The following ABLIM2 variants were observed in gnomAD, a reference collection of about 807,000 sequenced individuals.
The protein encoded by ABLIM2 is actin binding LIM protein family member 2, also known as actin-binding LIM protein 2.
Under a neutral mutation model 97.7 loss-of-function variants are expected in ABLIM2, and 53 were observed. That is an observed-to-expected ratio of 0.54 (90% CI 0.44 to 0.68). ABLIM2 has a LOEUF of 0.68. Ranked by LOEUF, ABLIM2 falls within the 30% of genes least tolerant of loss-of-function variation. The probability of loss-of-function intolerance (pLI) is 0.00; values close to 1 mark genes in which losing one functional copy is unlikely to be tolerated. For synonymous variants in ABLIM2, 361 were observed against 345.8 expected (o/e 1.04, Z -0.49); for missense variants, 835 against 867.2 (o/e 0.96, Z 0.47).
At chr4:8,047,073 C>T (rs1792947412) in intron 8 of ABLIM2, among the ~76,000 whole-genome samples, 1 of 152,306 alleles carries the variant, frequency 6.6e-6, no homozygotes, top group East Asian at 1.9e-4. Flanking sequence ...GTCAGCACCT[C>T]CTACACTCAG....
intron 2 of ABLIM2, among the ~76,000 whole-genome samples, chr4:8,098,664 G>A (rs1342208534): frequency 6.6e-6 from 1 of 152,192 alleles, no homozygotes; most frequent in Non-Finnish European, 1.5e-5. Flanking sequence ...TCGAATCCCA[G>A]CTCTACCCGC....
At position 8,069,749 on chromosome 4, in the gene ABLIM2, G is replaced by A. The variant is rs1404134415; in HGVS notation, c.675+7879C>T. On this transcript the variant is annotated intron_variant, in intron 6 of 20. Transcript: ENST00000447017. This position sits in a 1 kb window ranked among gnomAD's most constrained non-coding sequence, Gnocchi z 4.2. ...GTGTCCATGTGTCCTTGTGTTGTCTGTGTACGTTTCGGTGTGTCCATGCAT... is the reference window on the plus strand; with the variant it reads ...GTGTCCATGTGTCCTTGTGTTGTCTATGTACGTTTCGGTGTGTCCATGCAT... Among the ~76,000 whole-genome samples, 1 of 151,880 alleles carries A rather than the reference G, an allele frequency of 6.6e-6. No homozygotes were observed. Among genetic ancestry groups the A allele is most frequent in the Admixed American group, 6.6e-5 (1 of 15,254 alleles).
At position 8,083,847 on chromosome 4, in the gene ABLIM2, T is replaced by G. The variant is rs969656150; in HGVS notation, c.455-3045A>C. Among the ~76,000 whole-genome samples, 1 of 152,164 alleles carries G rather than the reference T, an allele frequency of 6.6e-6. No homozygotes were observed. The highest frequency in any genetic ancestry group is 1.5e-5 in the Non-Finnish European group (1 of 68,018). ...ATCAGCAGCAATGGCATAACCCTCC[T>G]AGAACCTTCCACTTTCCTATTTTCC... On this transcript the variant is annotated intron_variant, in intron 4 of 20. Coordinates refer to ENST00000447017, the MANE Select transcript of ABLIM2 (RefSeq NM_001130083.2). The surrounding 1 kb of genome is among the most constrained non-coding windows in gnomAD (Gnocchi z 4.6).
rs184828281 is a variant in ABLIM2, at chr4:8,056,602, A to G, written c.764-2356T>C. Among the ~76,000 whole-genome samples, 31 of 151,712 alleles carry G rather than the reference A, an allele frequency of 2.0e-4. No homozygotes were observed. The East Asian group carries it at 5.3e-3, about 26-fold the overall frequency. On this transcript the variant is annotated intron_variant, in intron 7 of 20. Coordinates refer to ENST00000447017, the MANE Select transcript of ABLIM2 (RefSeq NM_001130083.2). ...AGGCATGAGCCACCACACCCAGGCTACAGACACAATTTCATATCCTACATA... is the reference window on the plus strand; with the variant it reads ...AGGCATGAGCCACCACACCCAGGCTGCAGACACAATTTCATATCCTACATA...
Position 7,996,754 on chromosome 4 carries a change from C to T in ABLIM2, c.1619-3827G>A, listed in dbSNP as rs1243987521. ...TTACGGGTAGCTCTGCAGGATATCT[C>T]ACTGAACACAGGATTCATGCGGACA... On this transcript the variant is annotated intron_variant, in intron 16 of 20. Transcript: ENST00000447017. The surrounding 1 kb of genome is among the most constrained non-coding windows in gnomAD (Gnocchi z 4.5). Among the ~76,000 whole-genome samples the T allele has an allele frequency of 6.6e-6, 1 of 152,196 alleles. No individual in the cohort carries two copies. The highest frequency in any genetic ancestry group is 1.5e-5 in the Non-Finnish European group (1 of 68,048).
chr4:8,114,812 A>G (rs564203959), intron 1 of ABLIM2, among the ~76,000 whole-genome samples: 49 of 152,292 alleles, frequency 3.2e-4, no homozygotes, highest in African/African-American at 1.1e-3. Context: ...CCCGTCCCCA[A>G]ACAGTCACCA....
chr4:8,097,365 C>A, intron 2 of ABLIM2, 83 bp from the exon 3 acceptor site: 5 of 1,471,500 alleles, frequency 3.4e-6, no homozygotes, highest in Non-Finnish European at 4.6e-6. Context: ...CCCCCCTCCA[C>A]ACACACACCA....
chr4:8,024,765 C>A (rs1278207321), intron 12 of ABLIM2, among the ~76,000 whole-genome samples: 3 of 152,202 alleles, frequency 2.0e-5, no homozygotes, highest in African/African-American at 7.2e-5. Flanking sequence ...TGGCCAGTGG[C>A]TTCTCTTCTG....
rs745639018 is a variant in ABLIM2 at position 8,020,400 on chromosome 4, T to A, written c.1268-97A>T. ...AAAAGCTTATTTGCAGCGAGCCCCA[T>A]CTCTCCTGTCTGGTGGAGCAGCCCA... On this transcript the variant is annotated intron_variant, in intron 12 of 20. Transcript: ENST00000447017. 2.7e-5 allele frequency: 29 copies of A among 1,093,904 alleles called. No individual in the cohort carries two copies. In the South Asian group the frequency reaches 3.6e-4, roughly 14 times the overall value. The allele number at this position is 1,093,904 out of a possible 1,614,324, so 67.8% of individuals were successfully genotyped here.
chr4:8,072,604 C>A lies in ABLIM2; in HGVS notation c.675+5024G>T, dbSNP rs1411800054. 6.6e-6 allele frequency among the ~76,000 whole-genome samples: 1 copy of A among 152,240 alleles called. No individual in the cohort carries two copies. Among genetic ancestry groups the A allele is most frequent in the Non-Finnish European group, 1.5e-5 (1 of 68,040 alleles). ...AAAAATGCAAACCTGCATCTGTGCA[C>A]CAGGAGAAGACAAAGGGTTGGGGGA... On this transcript the variant is annotated intron_variant, in intron 6 of 20. Transcript: ENST00000447017. This position sits in a 1 kb window ranked among gnomAD's most constrained non-coding sequence, Gnocchi z 5.8.
intron 12 of ABLIM2, among the ~76,000 whole-genome samples, chr4:8,026,539 G>A (rs533805028): frequency 9.8e-5 from 15 of 152,370 alleles, no homozygotes; most frequent in Admixed American, 8.5e-4. Flanking sequence ...CGCTGCCTGC[G>A]GCCTGGGAGG....
intron 20 of ABLIM2, among the ~76,000 whole-genome samples, chr4:7,972,378 CAA>C (rs772844744): frequency 1.7e-4 from 26 of 152,320 alleles, no homozygotes; most frequent in Non-Finnish European, 3.2e-4. Context: ...GGTCCTGACT[CAA>C]GTGTCCCCTC....
At chr4:7,985,301 C>T in intron 17 of ABLIM2, among the ~76,000 whole-genome samples, 1 of 152,176 alleles carries the variant, frequency 6.6e-6, no homozygotes, top group African/African-American at 2.4e-5. Flanking sequence ...CTGCGGTTCC[C>T]CGTTGGTGAT....
rs1004924304 is a variant in ABLIM2, at chr4:8,113,421, G to C, written c.11-6784C>G. 3.3e-5 allele frequency among the ~76,000 whole-genome samples: 5 copies of C among 152,084 alleles called. No homozygotes were observed. Among genetic ancestry groups the C allele is most frequent in the Admixed American group, 3.3e-4 (5 of 15,270 alleles). ...GGGATTTGCTTGACTGTTTATTTCC[G>C]ATCTGTGCCCACGGATCTATATTTA... is the stretch of plus-strand genomic sequence containing the variant. On this transcript the variant is annotated intron_variant, in intron 1 of 20. Coordinates refer to ENST00000447017, the MANE Select transcript of ABLIM2 (RefSeq NM_001130083.2). The surrounding 1 kb of genome is among the most constrained non-coding windows in gnomAD (Gnocchi z 4.5).
chr4:8,108,701 C>T (rs983558247), intron 1 of ABLIM2, among the ~76,000 whole-genome samples: 57 of 152,354 alleles, frequency 3.7e-4, no homozygotes, highest in African/African-American at 1.3e-3. Context: ...CCCCCGAGGC[C>T]GACAGCCTCC....
intron 20 of ABLIM2, among the ~76,000 whole-genome samples, chr4:7,980,938 C>CTTTTTTT (rs1255215577): frequency 1.6e-4 from 6 of 38,492 alleles, no homozygotes; most frequent in South Asian, 5.6e-4. Flanking sequence ...TCCACAACCC[C>CTTTTTTT]TTATTTTTTT....
chr4:8,121,497 T>A (rs191960738), intron 1 of ABLIM2, among the ~76,000 whole-genome samples: 4 of 151,934 alleles, frequency 2.6e-5, no homozygotes, highest in Non-Finnish European at 5.9e-5. Flanking sequence ...TCCCGGAGGG[T>A]CAGGGCTCAG....
intron 1 of ABLIM2, among the ~76,000 whole-genome samples, chr4:8,154,873 GGA>G (rs1714758179): frequency 6.6e-6 from 1 of 152,192 alleles, no homozygotes; most frequent in South Asian, 2.1e-4. Flanking sequence ...ACATGGCTAG[GGA>G]GGCCTCGCAA....
At chr4:8,089,687 T>G (rs1825991798) in intron 3 of ABLIM2, among the ~76,000 whole-genome samples, 1 of 141,354 alleles carries the variant, frequency 7.1e-6, no homozygotes, top group Admixed American at 7.5e-5. Flanking sequence ...TGAGCCGAGA[T>G]TGCACCACTG....
Sources: gnomAD v4.1 joint callset for allele counts (sites outside exome capture counted in the v4.1 genomes callset) on GRCh38, gnomAD v4.1.1 for gene constraint, Gnocchi (gnomAD v3.1) non-coding constraint, MANE v1.5 for transcripts, NCBI Gene and HGNC (gene_info 2026-07-23, HGNC 2026-07-21) for gene names.